ZNF107: variants seen among roughly 807,000 people sequenced by gnomAD.
The protein encoded by ZNF107 is zinc finger protein 107, also known as C2H2 type zinc-finger protein.
ZNF107 carries 19 observed loss-of-function variants against 12.3 expected under a neutral mutation model. That is an observed-to-expected ratio of 1.55 (90% CI 1.08 to 2.27). The LOEUF is 2.27. Among genes scored for constraint, ZNF107 ranks in the 30% most tolerant of loss-of-function variants. ZNF107 has a pLI of 0.00. For synonymous variants in ZNF107, 317 were observed against 330.5 expected, an observed-to-expected ratio of 0.96 and a Z score of 0.44; for missense variants, 958 against 979.9, an observed-to-expected ratio of 0.98 and a Z score of 0.30.
intron 3 of ZNF107, among the ~76,000 whole-genome samples, chr7:64,700,394 G>A (rs1790434873): frequency 6.7e-6 from 1 of 149,784 alleles, no homozygotes; most frequent in African/African-American, 2.4e-5. Context: ...TGTATGTTCA[G>A]TTATTCTTTG....
rs1321785759 is a variant in ZNF107 at position 64,707,548 on chromosome 7, A to C, written c.1451A>C (p.Glu484Ala). 1.9e-6 allele frequency: 3 copies of C among 1,613,308 alleles called. No homozygotes were observed. The South Asian group carries it at 3.3e-5, about 18-fold the overall frequency. The part of the protein sequence containing the change: ...IYSGEKPYKC[E>A]ECGKAFNRSS... ...TCTGGAGAGAAACCATACAAATGTG[A>C]AGAATGTGGAAAAGCTTTTAATCGA... is the stretch of plus-strand genomic sequence containing the variant. Residue 484 changes from glutamate (E) to alanine (A), a missense_variant, in exon 4 of 4, where the codon GAA becomes GCA. Physicochemically the swap from Glu to Ala is moderately radical, Grantham distance 107. Transcript: ENST00000620827.
At chr7:64,703,712 A>T (rs11972603) in intron 3 of ZNF107, among the ~76,000 whole-genome samples, 2 of 152,152 alleles carry the variant, frequency 1.3e-5, no homozygotes, top group African/African-American at 4.8e-5. Flanking sequence ...TAAAGGTCTG[A>T]GCCACCGTGC....
At position 64,711,146 on chromosome 7, in the gene ZNF107, G is replaced by T. The variant is rs1227290120; in HGVS notation, c.*2490G>T. 6.6e-6 allele frequency: 1 copy of T among 152,000 alleles called. No individual in the cohort carries two copies. Among genetic ancestry groups the T allele is most frequent in the Non-Finnish European group, 1.5e-5 (1 of 67,980 alleles). The allele number at this position is 152,000 out of a possible 1,614,324, so 9.4% of individuals were successfully genotyped here. Reference sequence around the variant, plus strand: ...CTTTACCTATCCCACATTACTCAAGGGTTTAGGTAAAAGAGGGTAACAGTA... The same window carrying T: ...CTTTACCTATCCCACATTACTCAAGTGTTTAGGTAAAAGAGGGTAACAGTA... On this transcript the variant is annotated 3_prime_UTR_variant, in exon 4 of 4. Transcript: ENST00000620827.
At chr7:64,675,049 T>C (rs1049817795) in intron 1 of ZNF107, among the ~76,000 whole-genome samples, 36 of 152,220 alleles carry the variant, frequency 2.4e-4, no homozygotes, top group African/African-American at 8.7e-4. Flanking sequence ...TCATCAAAGA[T>C]ATTGACCTGA....
At chr7:64,681,985 A>G (rs1028863570) in intron 1 of ZNF107, among the ~76,000 whole-genome samples, 1 of 151,954 alleles carries the variant, frequency 6.6e-6, no homozygotes, top group Non-Finnish European at 1.5e-5. Context: ...GCTGACACCC[A>G]TCAGTCCCAA....
chr7:64,691,990 A>G (rs1396994472), intron 3 of ZNF107, 30 bp downstream of exon 3: 5 of 1,379,218 alleles, frequency 3.6e-6, no homozygotes, highest in Non-Finnish European at 4.8e-6. Flanking sequence ...AATACAACAG[A>G]TGACAAAGAT....
intron 3 of ZNF107, among the ~76,000 whole-genome samples, chr7:64,694,341 T>C (rs1002704680): frequency 7.9e-5 from 12 of 152,228 alleles, no homozygotes; most frequent in African/African-American, 2.4e-4. Context: ...TTTCCTGGTC[T>C]GTAGCCAAGT....
intron 1 of ZNF107, among the ~76,000 whole-genome samples, chr7:64,685,015 T>A (rs1789845376): frequency 6.6e-6 from 1 of 152,158 alleles, no homozygotes; most frequent in African/African-American, 2.4e-5. Context: ...TAGCTTAACC[T>A]ACCACCCTCG....
In ZNF107 at chr7:64,709,602, A is replaced by G; in HGVS notation, c.*946A>G. The stretch of plus-strand genomic sequence containing the variant: ...GATTGTAGGTAAGAATCCATACTGA[A>G]GAAAACTCCTGGAAGTGTAAAAAAT... On this transcript the variant is annotated 3_prime_UTR_variant, in exon 4 of 4. Coordinates refer to ENST00000620827, the MANE Select transcript of ZNF107 (RefSeq NM_001282359.2). 2.4e-6 allele frequency: 1 copy of G among 424,772 alleles called. No homozygotes were observed. Among genetic ancestry groups the G allele is most frequent in the Non-Finnish European group, 4.6e-6 (1 of 218,692 alleles). The allele number at this position is 424,772 out of a possible 1,614,324, so 26.3% of individuals were successfully genotyped here. A position where few individuals can be genotyped will look rare whatever the true frequency, so the allele number is the denominator to read the frequency against.
chr7:64,673,038 A>C (rs1239642219), intron 1 of ZNF107, among the ~76,000 whole-genome samples: 1 of 151,724 alleles, frequency 6.6e-6, no homozygotes, highest in Admixed American at 6.6e-5. Flanking sequence ...AGTGATGAGC[A>C]TTTATTTATT....
chr7:64,696,420 G>T (rs937912070), intron 3 of ZNF107, among the ~76,000 whole-genome samples: 13 of 152,154 alleles, frequency 8.5e-5, no homozygotes. Context: ...GAGATTGAGA[G>T]AGGAGGATTA....
chr7:64,703,818 C>T (rs770864197), intron 3 of ZNF107, among the ~76,000 whole-genome samples: 17 of 151,976 alleles, frequency 1.1e-4, no homozygotes, highest in East Asian at 1.9e-4. Flanking sequence ...GACTTGCTAA[C>T]GTTATTGTTT....
chr7:64,684,570 G>A, intron 1 of ZNF107: 5 of 985,132 alleles, frequency 5.1e-6, no homozygotes, highest in Non-Finnish European at 4.8e-6. Flanking sequence ...TACTCTCCCC[G>A]ACCTCGTTAA....
At chr7:64,682,083 A>C (rs1789701174) in intron 1 of ZNF107, among the ~76,000 whole-genome samples, 1 of 145,176 alleles carries the variant, frequency 6.9e-6, no homozygotes, top group African/African-American at 2.6e-5. Flanking sequence ...CTCTCTTTTC[A>C]GCCTTCCTTT....
At chr7:64,672,598 G>T (rs1427441690) in intron 1 of ZNF107, among the ~76,000 whole-genome samples, 1 of 152,022 alleles carries the variant, frequency 6.6e-6, no homozygotes, top group African/African-American at 2.4e-5. Flanking sequence ...TTTGAGTTCC[G>T]CAAATCTGCA....
At chr7:64,686,095 C>T (rs890527095) in intron 1 of ZNF107, among the ~76,000 whole-genome samples, 2 of 152,164 alleles carry the variant, frequency 1.3e-5, no homozygotes. Flanking sequence ...TCTGCAGAAC[C>T]ACCGTGGCTT....
chr7:64,705,043 AC>A (rs1790594568), intron 3 of ZNF107, among the ~76,000 whole-genome samples: 1 of 152,088 alleles, frequency 6.6e-6, no homozygotes, highest in African/African-American at 2.4e-5. Context: ...TATTATTCTC[AC>A]TTGACAGCTA....
At chr7:64,684,830 C>A (rs1789837086) in intron 1 of ZNF107, 1 of 691,296 alleles carries the variant, frequency 1.4e-6, no homozygotes. Context: ...CTTTGGCTAC[C>A]TGGCATGGCC....
chr7:64,681,038 C>T (rs1789647522), intron 1 of ZNF107, among the ~76,000 whole-genome samples: 1 of 152,146 alleles, frequency 6.6e-6, no homozygotes, highest in Non-Finnish European at 1.5e-5. Context: ...TGTGCAGGCC[C>T]TCACTGGAAG....
Sources: gnomAD v4.1 joint callset for allele counts (sites outside exome capture counted in the v4.1 genomes callset) on GRCh38, gnomAD v4.1.1 for gene constraint, MANE v1.5 for transcripts, NCBI Gene and HGNC (gene_info 2026-07-23, HGNC 2026-07-21) for gene names.